ZDHHC18: variants seen among roughly 807,000 people sequenced by gnomAD.
ZDHHC18 encodes the protein zDHHC palmitoyltransferase 18.
In ZDHHC18, 23 loss-of-function variants were observed where a neutral mutation model predicts 37.5. That is an observed-to-expected ratio of 0.61 (90% CI 0.44 to 0.87). The LOEUF is 0.87. Among genes scored for constraint, ZDHHC18 ranks in the 40% least tolerant of loss-of-function variants. ZDHHC18 has a pLI of 0.00. For synonymous variants in ZDHHC18, 185 were observed against 218.7 expected (o/e 0.85, Z 1.36); for missense variants, 406 against 525.6 (o/e 0.77, Z 2.22).
chr1:26,837,231 C>T (rs370822038), intron 2 of ZDHHC18, among the ~76,000 whole-genome samples: 14 of 140,538 alleles, frequency 1.0e-4, no homozygotes, highest in East Asian at 6.3e-4. Flanking sequence ...CCAGCCTGGG[C>T]GACAGAGTGA....
At chr1:26,832,740 C>A in intron 2 of ZDHHC18, 133 bp downstream of exon 2, 1 of 1,057,172 alleles carries the variant, frequency 9.5e-7, no homozygotes, top group Non-Finnish European at 1.3e-6. Flanking sequence ...CAGGCTGGAG[C>A]TGACACTGGC....
intron 1 of ZDHHC18, 45 bp downstream of exon 1, chr1:26,827,184 C>T: frequency 3.1e-6 from 4 of 1,300,842 alleles, no homozygotes; most frequent in Non-Finnish European, 2.0e-6. Flanking sequence ...CCCTGCCGCG[C>T]ACCCCACCTT....
At position 26,856,270 on chromosome 1, in the gene ZDHHC18, C is replaced by G. The variant is rs77637402; in HGVS notation, c.*2427C>G. 1,239 of 438,282 alleles carry G rather than the reference C, an allele frequency of 2.8e-3. 10 individuals carry two copies. Among genetic ancestry groups the G allele is most frequent in the African/African-American group, 0.022 (1,113 of 49,860 alleles). The allele number at this position is 438,282 out of a possible 1,614,324, so 27.1% of individuals were successfully genotyped here. On this transcript the variant is annotated 3_prime_UTR_variant, in exon 8 of 8. Transcript: ENST00000374142. This position sits in a 1 kb window ranked among gnomAD's most constrained non-coding sequence, Gnocchi z 5.2. ...TTTGCAGAGGGTTAGCTGGTAAGAC[C>G]GTTTCTTCCCTGTCGGCCAGCACTG...
chr1:26,843,930 CTG>C (rs1305623796), intron 2 of ZDHHC18, among the ~76,000 whole-genome samples: 1 of 152,206 alleles, frequency 6.6e-6, no homozygotes, highest in East Asian at 1.9e-4. Context: ...CTTCCAATCA[CTG>C]TCACTCTCCA....
At chr1:26,849,223 T>C (rs1158440710) in intron 3 of ZDHHC18, among the ~76,000 whole-genome samples, 1 of 152,198 alleles carries the variant, frequency 6.6e-6, no homozygotes, top group Non-Finnish European at 1.5e-5. Context: ...GCGTTTAAGC[T>C]GATGAGGTGC....
chr1:26,832,969 G>A (rs1193986389), intron 2 of ZDHHC18, among the ~76,000 whole-genome samples: 4 of 152,150 alleles, frequency 2.6e-5, no homozygotes, highest in Non-Finnish European at 5.9e-5. Context: ...TTAAATCAAG[G>A]CAAAAGAGGG....
chr1:26,842,915 G>A (rs532200515), intron 2 of ZDHHC18, among the ~76,000 whole-genome samples: 1 of 152,304 alleles, frequency 6.6e-6, no homozygotes, highest in South Asian at 2.1e-4. Flanking sequence ...GCAATGGCAG[G>A]GTGCATGGTG....
intron 7 of ZDHHC18, 83 bp from the exon 8 acceptor site, chr1:26,853,643 G>C: frequency 7.5e-7 from 1 of 1,334,216 alleles, no homozygotes; most frequent in East Asian, 2.3e-5. Context: ...TTCCTTGGCT[G>C]AGATAGACTC....
At chr1:26,845,708 T>C (rs887922945) in intron 2 of ZDHHC18, among the ~76,000 whole-genome samples, 1 of 152,048 alleles carries the variant, frequency 6.6e-6, no homozygotes, top group African/African-American at 2.4e-5. Context: ...GAAAAAAAAA[T>C]TTAATTTTGA....
chr1:26,843,097 C>T (rs547184498), intron 2 of ZDHHC18, among the ~76,000 whole-genome samples: 5 of 152,052 alleles, frequency 3.3e-5, no homozygotes, highest in Admixed American at 3.3e-4. Flanking sequence ...CAGGGCAGGA[C>T]CTAAATAACT....
In ZDHHC18 at chr1:26,854,114, C is replaced by T. The variant is rs967554173; in HGVS notation, c.*271C>T. On this transcript the variant is annotated 3_prime_UTR_variant, in exon 8 of 8. Transcript: ENST00000374142. This position sits in a 1 kb window ranked among gnomAD's most constrained non-coding sequence, Gnocchi z 4.6. The stretch of plus-strand genomic sequence containing the variant: ...TCTGGAGGCTACCCAGGGGACCACA[C>T]CAAGTCCTTGCCTGTGCCGGGCGAG... 6.7e-6 allele frequency: 3 copies of T among 446,924 alleles called. No individual in the cohort carries two copies. In the East Asian group the frequency reaches 1.2e-4, roughly 17 times the overall value. The allele number at this position is 446,924 out of a possible 1,614,324, so 27.7% of individuals were successfully genotyped here.
intron 2 of ZDHHC18, among the ~76,000 whole-genome samples, chr1:26,843,578 C>T (rs1419632021): frequency 2.0e-5 from 3 of 146,732 alleles, no homozygotes; most frequent in African/African-American, 7.6e-5. Flanking sequence ...GACTTCAGAT[C>T]AGGAGTTCGA....
Position 26,848,717 on chromosome 1 carries a change from AC to A in ZDHHC18, c.610del (p.Arg204GlufsTer44). On this transcript the variant is annotated frameshift_variant, in exon 3 of 8. Transcript: ENST00000374142. LOFTEE classifies it high-confidence loss of function. ...YCFTCKMFRP[P>X]RTSHCSVCDN... ...GCTTCACCTGCAAGATGTTCCGGCC[AC>A]CCCGAACCTCACACTGCAGTGTCTG... 1.2e-6 allele frequency: 2 copies of A among 1,614,024 alleles called. No homozygotes were observed. Among genetic ancestry groups the A allele is most frequent in the South Asian group, 2.2e-5 (2 of 91,082 alleles).
At chr1:26,833,288 C>G (rs1457044701) in intron 2 of ZDHHC18, among the ~76,000 whole-genome samples, 5 of 152,048 alleles carry the variant, frequency 3.3e-5, no homozygotes, top group African/African-American at 4.8e-5. Context: ...TGTGATTTTA[C>G]ATAGGGTGGC....
In ZDHHC18 at chr1:26,855,613, C is replaced by CT. The variant is rs1227337770; in HGVS notation, c.*1771dup. On this transcript the variant is annotated 3_prime_UTR_variant, in exon 8 of 8. Coordinates refer to ENST00000374142, the MANE Select transcript of ZDHHC18 (RefSeq NM_032283.3). ...GCCCTGGGCCATCACTGCAGTGGCC[C>CT]TGGGAGGTGAGGAAGAAGCTGGCTA... 6.5e-6 allele frequency: 1 copy of CT among 152,976 alleles called. No individual in the cohort carries two copies. The highest frequency in any genetic ancestry group is 1.5e-5 in the Non-Finnish European group (1 of 68,342). 9.5% of individuals were successfully genotyped at this position (152,976 alleles called of 1,614,324 possible). A position where few individuals can be genotyped will look rare whatever the true frequency, so the allele number is the denominator to read the frequency against.
At position 26,850,569 on chromosome 1, in the gene ZDHHC18, A is replaced by G. The variant is rs1219033448; in HGVS notation, c.796A>G (p.Ser266Gly). 2 of 1,614,016 alleles carry G rather than the reference A, an allele frequency of 1.2e-6. No homozygotes were observed. Among genetic ancestry groups the G allele is most frequent in the African/African-American group, 1.3e-5 (1 of 74,914 alleles). Residue 266 changes from serine to glycine, a missense_variant, in exon 5 of 8, where the codon AGC becomes GGC. Ser to Gly is a moderately conservative substitution (Grantham distance 56, BLOSUM62 0). Coordinates refer to ENST00000374142, the MANE Select transcript of ZDHHC18 (RefSeq NM_032283.3). The surrounding 1 kb of genome is among the most constrained non-coding windows in gnomAD (Gnocchi z 6.1). ...TTCTTTCTCCCCAGGCGCTCAGGGA[A>G]GCAACTTCCTCTCCACTCTGAAGGA... The part of the protein sequence containing the change: ...VTHLTLRAQG[S>G]NFLSTLKETP...
At chr1:26,849,470 G>A (rs1474319530) in intron 3 of ZDHHC18, among the ~76,000 whole-genome samples, 1 of 152,230 alleles carries the variant, frequency 6.6e-6, no homozygotes, top group Admixed American at 6.5e-5. Context: ...GAGAACAGCA[G>A]GGAACACCCC....
chr1:26,850,536 T>C lies in ZDHHC18; in HGVS notation c.785-22T>C. 6.2e-7 allele frequency: 1 copy of C among 1,614,174 alleles called. No individual in the cohort carries two copies. Among genetic ancestry groups the C allele is most frequent in the Non-Finnish European group, 8.5e-7 (1 of 1,180,030 alleles). The stretch of plus-strand genomic sequence containing the variant: ...AGTCACTGTCCCTCTGAGCTTGTCC[T>C]CTCCTGTTTCTTTCTCCCCAGGCGC... On this transcript the variant is annotated intron_variant, in intron 4 of 7. Transcript: ENST00000374142. This position sits in a 1 kb window ranked among gnomAD's most constrained non-coding sequence, Gnocchi z 6.1.
chr1:26,830,133 G>C (rs2081581240), intron 1 of ZDHHC18, among the ~76,000 whole-genome samples: 1 of 152,230 alleles, frequency 6.6e-6, no homozygotes, highest in African/African-American at 2.4e-5. Context: ...GGAGACTTCA[G>C]AAGCAGCATG....
Sources: gnomAD v4.1 joint callset for allele counts (sites outside exome capture counted in the v4.1 genomes callset) on GRCh38, gnomAD v4.1.1 for gene constraint, Gnocchi (gnomAD v3.1) non-coding constraint, MANE v1.5 for transcripts, NCBI Gene and HGNC (gene_info 2026-07-23, HGNC 2026-07-21) for gene names.